POLK: variants seen among roughly 807,000 people sequenced by gnomAD.
POLK encodes polymerase (DNA directed) kappa.
A neutral mutation model predicts 94.0 loss-of-function variants in POLK; 76 were observed. The ratio of observed to expected loss-of-function variants is 0.81; its 90% CI spans 0.67 to 0.98. The LOEUF is 0.98. POLK is among the 50% of genes least tolerant of loss of function. The pLI, the probability that POLK is intolerant of heterozygous loss-of-function variation, is 0.00. For missense variants in POLK, 954 were observed against 1,010.1 expected (o/e 0.94, Z 0.75); for synonymous variants, 349 against 325.4 (o/e 1.07, Z -0.78).
chr5:75,585,401 C>T (rs925820435), intron 9 of POLK, among the ~76,000 whole-genome samples: 2 of 152,114 alleles, frequency 1.3e-5, no homozygotes, highest in African/African-American at 4.8e-5. Flanking sequence ...ATAACAGCAG[C>T]GAATAGGACA....
At chr5:75,556,730 C>T (rs1304101230) in intron 3 of POLK, among the ~76,000 whole-genome samples, 2 of 144,716 alleles carry the variant, frequency 1.4e-5, no homozygotes, top group Non-Finnish European at 1.5e-5. Flanking sequence ...TTTTTTTTAA[C>T]ATGAGGATAT....
intron 3 of POLK, among the ~76,000 whole-genome samples, chr5:75,566,888 G>C (rs1396013001): frequency 1.3e-5 from 2 of 152,212 alleles, no homozygotes; most frequent in African/African-American, 4.8e-5. Context: ...GTGCATGTTG[G>C]AGACTCAGAT....
In POLK at chr5:75,559,523, G is replaced by GTTTTTTTT. The variant is rs775525619; in HGVS notation, c.255+6952_255+6959dup. Among the ~76,000 whole-genome samples the GTTTTTTTT allele has an allele frequency of 3.1e-4, 17 of 54,676 alleles. 1 individual carries two copies. Among genetic ancestry groups the GTTTTTTTT allele is most frequent in the East Asian group, 1.3e-3 (2 of 1,540 alleles). 35.9% of individuals were successfully genotyped at this position (54,676 alleles called of 152,430 possible). On this transcript the variant is annotated intron_variant, in intron 3 of 14. Transcript: ENST00000241436. ...GGGGTTTGTTTTTTTGTTTTGTTTT[G>GTTTTTTTT]TTTTTTTTTTTTTTTTTTTTTTTTT...
intron 1 of POLK, among the ~76,000 whole-genome samples, chr5:75,527,538 C>T (rs1434657617): frequency 6.8e-6 from 1 of 147,148 alleles, no homozygotes; most frequent in African/African-American, 2.5e-5. Flanking sequence ...CACACACACA[C>T]ACAAGTACGT....
chr5:75,601,909 T>C (rs1489156868), downstream of POLK, among the ~76,000 whole-genome samples: 1 of 152,192 alleles, frequency 6.6e-6, no homozygotes, highest in Non-Finnish European at 1.5e-5. Flanking sequence ...TAGAGGACCC[T>C]AATACACCAC....
intron 1 of POLK, among the ~76,000 whole-genome samples, chr5:75,544,600 C>A (rs184955575): frequency 2.0e-5 from 3 of 152,270 alleles, no homozygotes; most frequent in Admixed American, 2.0e-4. Context: ...CGAGATCACA[C>A]CACTGCACTC....
chr5:75,592,275 A>G (rs1043109749), intron 11 of POLK, among the ~76,000 whole-genome samples: 1 of 152,246 alleles, frequency 6.6e-6, no homozygotes, highest in African/African-American at 2.4e-5. Context: ...ATAAGTGTGA[A>G]CTATTCATAA....
the POLK span, among the ~76,000 whole-genome samples, chr5:75,607,328 C>T: frequency 1.1e-4 from 16 of 152,130 alleles, no homozygotes; most frequent in African/African-American, 3.6e-4. Context: ...AGTAGCTGGG[C>T]GTGGTGGCAC....
chr5:75,593,821 C>CAA, intron 11 of POLK, 57 bp from the exon 12 acceptor site: 3 of 1,097,130 alleles, frequency 2.7e-6, no homozygotes, highest in Non-Finnish European at 3.9e-6. Context: ...CCAGCATGGA[C>CAA]AACAGAGAGA....
intron 3 of POLK, among the ~76,000 whole-genome samples, chr5:75,560,056 G>A (rs1770887396): frequency 6.6e-6 from 1 of 152,054 alleles, no homozygotes. Flanking sequence ...ATCTATTATA[G>A]GGAAGCATCA....
chr5:75,543,938 A>G (rs750886522), intron 1 of POLK, among the ~76,000 whole-genome samples: 1 of 152,248 alleles, frequency 6.6e-6, no homozygotes, highest in Non-Finnish European at 1.5e-5. Flanking sequence ...GGCTCAAGTG[A>G]AACTCCCAAC....
chr5:75,597,094 T>G (rs1185244525), exon 13 of POLK: 1 of 1,613,178 alleles, frequency 6.2e-7, no homozygotes, highest in Admixed American at 1.7e-5. Context: ...TGTGGATGTT[T>G]GCTTAAATAA....
chr5:75,601,199 C>G (rs942172972), downstream of POLK: 1 of 152,034 alleles, frequency 6.6e-6, no homozygotes, highest in Non-Finnish European at 1.5e-5. Context: ...TAGCTAATTT[C>G]AATCGAGAAA....
At chr5:75,602,206 A>G (rs972580394), downstream of POLK, among the ~76,000 whole-genome samples, 1 of 152,158 alleles carries the variant, frequency 6.6e-6, no homozygotes, top group Non-Finnish European at 1.5e-5. Flanking sequence ...TCACATAGGC[A>G]TGCATCACCC....
At chr5:75,510,936 G>A (rs375616515), upstream of POLK, among the ~76,000 whole-genome samples, 2 of 152,006 alleles carry the variant, frequency 1.3e-5, no homozygotes, top group African/African-American at 2.4e-5. Context: ...ACGAGCCCCC[G>A]GGCAACAAGG....
intron 1 of POLK, among the ~76,000 whole-genome samples, chr5:75,531,108 C>T (rs916851986): frequency 2.0e-5 from 3 of 151,842 alleles, no homozygotes; most frequent in Non-Finnish European, 4.4e-5. Context: ...CACCCAAACC[C>T]CTCTTGAAAT....
chr5:75,583,675 A>G (rs886117315), intron 8 of POLK, among the ~76,000 whole-genome samples: 8 of 152,298 alleles, frequency 5.3e-5, no homozygotes, highest in African/African-American at 1.9e-4. Context: ...GAGAAGGGAA[A>G]TTAAAAGAAT....
chr5:75,596,074 A>G, intron 12 of POLK, 148 bp from the exon 13 acceptor site: 1 of 585,238 alleles, frequency 1.7e-6, no homozygotes, highest in Non-Finnish European at 3.1e-6. Flanking sequence ...GTAAATCTGT[A>G]CTTATAATAC....
chr5:75,527,171 A>G (rs1768901204), intron 1 of POLK, among the ~76,000 whole-genome samples: 1 of 152,128 alleles, frequency 6.6e-6, no homozygotes, highest in African/African-American at 2.4e-5. Flanking sequence ...CTCCTCTAAA[A>G]AGAATTATAT....
Sources: gnomAD v4.1 joint callset for allele counts (sites outside exome capture counted in the v4.1 genomes callset) on GRCh38, gnomAD v4.1.1 for gene constraint, MANE v1.5 for transcripts, NCBI Gene and HGNC (gene_info 2026-07-23, HGNC 2026-07-21) for gene names.